Variants in PPP1R12A observed in about 807,000 individuals in gnomAD.
PPP1R12A encodes protein phosphatase 1 regulatory subunit 12A, also known as myosin binding subunit.
PPP1R12A carries 19 observed loss-of-function variants against 139.6 expected under a neutral mutation model. That is an observed-to-expected ratio of 0.14 (90% CI 0.09 to 0.20). The LOEUF (loss-of-function observed/expected upper bound fraction) is 0.20, where lower values mean the gene tolerates loss of function less well. PPP1R12A is among the 10% of genes least tolerant of loss of function. The pLI is 1.00. For synonymous variants in PPP1R12A, 427 were observed against 420.6 expected, an observed-to-expected ratio of 1.02 and a Z score of -0.19; for missense variants, 925 against 1,211.5, an observed-to-expected ratio of 0.76 and a Z score of 3.51.
chr12:79,879,378 AAAC>A (rs1883417238), intron 1 of PPP1R12A, among the ~76,000 whole-genome samples: 1 of 152,162 alleles, frequency 6.6e-6, no homozygotes. Flanking sequence ...AAAAAAAAGA[AAAC>A]AACCAAATTG....
chr12:79,811,460 A>C (rs1874523419), intron 9 of PPP1R12A, among the ~76,000 whole-genome samples: 1 of 152,218 alleles, frequency 6.6e-6, no homozygotes, highest in African/African-American at 2.4e-5. Flanking sequence ...CATTTTGATC[A>C]CATTTCCATC....
At chr12:79,920,134 T>A (rs555198509) in intron 1 of PPP1R12A, among the ~76,000 whole-genome samples, 1 of 152,230 alleles carries the variant, frequency 6.6e-6, no homozygotes, top group Non-Finnish European at 1.5e-5. Flanking sequence ...CACCATGTGG[T>A]CTTTTGTGAC....
intron 1 of PPP1R12A, among the ~76,000 whole-genome samples, chr12:79,922,367 T>C (rs115487578): frequency 0.013 from 1,907 of 152,330 alleles, 25 homozygotes; most frequent in African/African-American, 0.041. Flanking sequence ...ACATGAGTAC[T>C]TTCACGGTTA....
chr12:79,817,679 T>C (rs1424164982), intron 8 of PPP1R12A, among the ~76,000 whole-genome samples, 161 bp from the exon 9 acceptor site: 2 of 152,354 alleles, frequency 1.3e-5, no homozygotes, highest in East Asian at 3.9e-4. Context: ...AGGGAGCTTC[T>C]AGACTTGTCT....
At chr12:79,917,662 A>C (rs1887110989) in intron 1 of PPP1R12A, among the ~76,000 whole-genome samples, 1 of 152,094 alleles carries the variant, frequency 6.6e-6, no homozygotes, top group South Asian at 2.1e-4. Context: ...AAAACCCTCA[A>C]TCAAATACTC....
intron 2 of PPP1R12A, among the ~76,000 whole-genome samples, chr12:79,861,774 C>T (rs1419104685): frequency 6.6e-6 from 1 of 152,134 alleles, no homozygotes; most frequent in Admixed American, 6.5e-5. Context: ...CATTGCTGGG[C>T]TTGAGTAGGT....
rs571508574 is a variant in PPP1R12A, at chr12:79,875,623, ACT to A, written c.238-2687_238-2686del. 7.0e-4 allele frequency among the ~76,000 whole-genome samples: 107 copies of A among 152,338 alleles called. 1 individual carries two copies. The highest frequency in any genetic ancestry group is 2.5e-3 in the South Asian group (12 of 4,824). On this transcript the variant is annotated intron_variant, in intron 1 of 24. Coordinates refer to ENST00000450142, the MANE Select transcript of PPP1R12A (RefSeq NM_002480.3). ...GATCAGTAGACATATTAATTTACACACTGTCATCTTTGGTTTATTGCCAAAAG... is the reference window on the plus strand; with the variant it reads ...GATCAGTAGACATATTAATTTACACAGTCATCTTTGGTTTATTGCCAAAAG...
chr12:79,794,416 A>G (rs1381837017), intron 18 of PPP1R12A, among the ~76,000 whole-genome samples: 1 of 152,006 alleles, frequency 6.6e-6, no homozygotes, highest in African/African-American at 2.4e-5. Flanking sequence ...TTTTTGTGCT[A>G]TTGTTTTCAT....
At chr12:79,893,509 G>C (rs1379759666) in intron 1 of PPP1R12A, among the ~76,000 whole-genome samples, 1 of 152,084 alleles carries the variant, frequency 6.6e-6, no homozygotes, top group Non-Finnish European at 1.5e-5. Flanking sequence ...GAACACATTA[G>C]ACAGTAATCA....
At chr12:79,792,357 A>G (rs902726028) in intron 19 of PPP1R12A, among the ~76,000 whole-genome samples, 17 of 152,308 alleles carry the variant, frequency 1.1e-4, no homozygotes, top group African/African-American at 4.1e-4. Context: ...TCCTATCCCT[A>G]TGAGGTACAT....
intron 6 of PPP1R12A, 79 bp from the exon 7 acceptor site, chr12:79,821,245 C>A: frequency 2.0e-6 from 2 of 1,007,728 alleles, no homozygotes; most frequent in Admixed American, 2.4e-5. Flanking sequence ...AAAATAATAA[C>A]AAAGTAGTTT....
chr12:79,857,919 T>A (rs1880875820), intron 2 of PPP1R12A, among the ~76,000 whole-genome samples: 1 of 152,144 alleles, frequency 6.6e-6, no homozygotes, highest in Admixed American at 6.6e-5. Flanking sequence ...CCCATAAATT[T>A]CCATGAAAAA....
intron 1 of PPP1R12A, among the ~76,000 whole-genome samples, chr12:79,891,172 TTAAAAAAA>T (rs1433649026): frequency 6.6e-6 from 1 of 152,132 alleles, no homozygotes; most frequent in Non-Finnish European, 1.5e-5. Context: ...AGATATGTTT[TTAAAAAAA>T]TAAAAAATGA....
chr12:79,801,073 CG>C (rs1873079007), intron 14 of PPP1R12A, among the ~76,000 whole-genome samples: 1 of 150,482 alleles, frequency 6.6e-6, no homozygotes, highest in African/African-American at 2.4e-5. Context: ...TGGCTGGGCG[CG>C]GTGGCTCATG....
At chr12:79,779,579 C>G in intron 23 of PPP1R12A, 2 of 341,396 alleles carry the variant, frequency 5.9e-6, no homozygotes, top group South Asian at 4.6e-5. Context: ...ATTGTATAGA[C>G]AGAAACATTA....
At chr12:79,838,988 T>C (rs1275336524) in intron 3 of PPP1R12A, among the ~76,000 whole-genome samples, 6 of 152,068 alleles carry the variant, frequency 3.9e-5, no homozygotes, top group African/African-American at 1.4e-4. Context: ...ACTGTGTGCC[T>C]AGAAAAGACA....
chr12:79,922,235 C>G (rs1411086456), intron 1 of PPP1R12A, among the ~76,000 whole-genome samples: 1 of 152,058 alleles, frequency 6.6e-6, no homozygotes, highest in Non-Finnish European at 1.5e-5. Flanking sequence ...CACTCCCAGC[C>G]TGGGTAACAG....
chr12:79,859,383 G>T (rs1404871528), intron 2 of PPP1R12A, among the ~76,000 whole-genome samples: 2 of 149,504 alleles, frequency 1.3e-5, no homozygotes, highest in African/African-American at 4.9e-5. Context: ...CAGTGCTCAG[G>T]ATCAAAGAGA....
At chr12:79,805,929 T>C (rs1873774142) in intron 13 of PPP1R12A, 161 bp from the exon 14 acceptor site, 1 of 944,420 alleles carries the variant, frequency 1.1e-6, no homozygotes, top group African/African-American at 1.7e-5. Context: ...CACCCAGAGT[T>C]GTCAAAGAGA....
Sources: gnomAD v4.1 joint callset for allele counts (sites outside exome capture counted in the v4.1 genomes callset) on GRCh38, gnomAD v4.1.1 for gene constraint, MANE v1.5 for transcripts, NCBI Gene and HGNC (gene_info 2026-07-23, HGNC 2026-07-21) for gene names.